Variants in MAGI2 observed in about 807,000 individuals in gnomAD.
MAGI2 encodes membrane-associated guanylate kinase, WW and PDZ domain-containing protein 2.
MAGI2 carries 35 observed loss-of-function variants against 133.3 expected under a neutral mutation model. The observed-to-expected ratio is 0.26, with a 90% CI of 0.20 to 0.35. The LOEUF is 0.35. Ranked by LOEUF, MAGI2 falls within the 10% of genes least tolerant of loss-of-function variation. The pLI, the probability that MAGI2 is intolerant of heterozygous loss-of-function variation, is 1.00. For missense variants in MAGI2, 1,636 were observed against 1,863.4 expected, an observed-to-expected ratio of 0.88 and a Z score of 2.25; for synonymous variants, 729 against 710.6, an observed-to-expected ratio of 1.03 and a Z score of -0.41.
At chr7:79,253,981 TCAAAACAAAA>T (rs71951560) in intron 1 of MAGI2, among the ~76,000 whole-genome samples, 92,188 of 151,022 alleles carry the variant, frequency 0.61, 29,460 homozygotes, top group Non-Finnish European at 0.7. Flanking sequence ...AAATTGCCCT[TCAAAACAAAA>T]CAAAACAAAA....
chr7:78,882,623 T>C (rs538558733), intron 2 of MAGI2, among the ~76,000 whole-genome samples: 1 of 151,850 alleles, frequency 6.6e-6, no homozygotes, highest in Non-Finnish European at 1.5e-5. Context: ...AACAAAACAC[T>C]AACAAAATCA....
rs566236945 is a variant in MAGI2, at chr7:78,224,694, A to ATT, written c.2048-23503_2048-23502dup. ...AACAACAACAGCAACAACAACGTAA[A>ATT]TTTTTTTTTTTTTTTTTCACCAAAT... On this transcript the variant is annotated intron_variant, in intron 10 of 21. Transcript: ENST00000354212. Among the ~76,000 whole-genome samples, 1,384 of 142,320 alleles carry ATT rather than the reference A, an allele frequency of 9.7e-3. 12 individuals are homozygous for ATT. Among genetic ancestry groups the ATT allele is most frequent in the Middle Eastern group, 0.018 (5 of 272 alleles). 93.4% of individuals were successfully genotyped at this position (142,320 alleles called of 152,430 possible). A position where few individuals can be genotyped will look rare whatever the true frequency, so the allele number is the denominator to read the frequency against.
intron 1 of MAGI2, among the ~76,000 whole-genome samples, chr7:79,258,478 C>T (rs181542354): frequency 1.4e-3 from 218 of 152,322 alleles, no homozygotes; most frequent in African/African-American, 5.0e-3. Context: ...ACACCTTGCT[C>T]ATCTCTCCAT....
chr7:79,440,449 T>C (rs935541070), intron 1 of MAGI2, among the ~76,000 whole-genome samples: 1 of 152,102 alleles, frequency 6.6e-6, no homozygotes, highest in Non-Finnish European at 1.5e-5. Context: ...TACTTCAGAA[T>C]GGTAAAAAAT....
intron 1 of MAGI2, among the ~76,000 whole-genome samples, chr7:79,448,610 G>T (rs557504857): frequency 6.6e-6 from 1 of 152,058 alleles, no homozygotes; most frequent in Non-Finnish European, 1.5e-5. Context: ...AAAACTAGGT[G>T]GTCTACTTAG....
chr7:78,893,372 A>C (rs1176564419), intron 2 of MAGI2, among the ~76,000 whole-genome samples: 1 of 152,210 alleles, frequency 6.6e-6, no homozygotes, highest in Non-Finnish European at 1.5e-5. Flanking sequence ...CAGCCATCCC[A>C]TTACTGGGTA....
rs796988693 is a variant in MAGI2, at chr7:79,258,313, G to C, written c.301+194707C>G. 2.8e-4 allele frequency among the ~76,000 whole-genome samples: 43 copies of C among 152,280 alleles called. 1 individual carries two copies. The highest frequency in any genetic ancestry group is 9.9e-4 in the African/African-American group (41 of 41,558). ...TTTCTAGTCCAGAAGAAAATAAATT[G>C]CTTTTAAATAAATCTTCTGGGATAG... On this transcript the variant is annotated intron_variant, in intron 1 of 21. Transcript: ENST00000354212.
chr7:78,537,187 A>ACG (rs1380334404), intron 3 of MAGI2, among the ~76,000 whole-genome samples: 1 of 151,606 alleles, frequency 6.6e-6, no homozygotes, highest in Non-Finnish European at 1.5e-5. Context: ...ACACACACAC[A>ACG]CACACACACA....
intron 1 of MAGI2, among the ~76,000 whole-genome samples, chr7:79,441,665 A>T (rs1188316411): frequency 1.3e-5 from 2 of 152,120 alleles, no homozygotes; most frequent in African/African-American, 4.8e-5. Context: ...TTAAAACATT[A>T]ATGTAATTCA....
At chr7:79,396,139 TC>T (rs964557332) in intron 1 of MAGI2, among the ~76,000 whole-genome samples, 4 of 152,180 alleles carry the variant, frequency 2.6e-5, no homozygotes, top group Admixed American at 2.0e-4. Flanking sequence ...ATTTTTTTTT[TC>T]TTTCTTGGGC....
chr7:79,260,444 T>C (rs1833999454), intron 1 of MAGI2, among the ~76,000 whole-genome samples: 1 of 152,142 alleles, frequency 6.6e-6, no homozygotes, highest in African/African-American at 2.4e-5. Flanking sequence ...GAACTTTATC[T>C]TCAATAATAA....
intron 20 of MAGI2, among the ~76,000 whole-genome samples, chr7:78,093,979 G>A (rs1471064874): frequency 6.6e-6 from 1 of 152,162 alleles, no homozygotes; most frequent in Non-Finnish European, 1.5e-5. Flanking sequence ...ATGGGCTGGA[G>A]GGAGCAGAAA....
intron 21 of MAGI2, among the ~76,000 whole-genome samples, chr7:78,046,184 TC>T (rs1811398728): frequency 6.7e-6 from 1 of 148,620 alleles, no homozygotes; most frequent in South Asian, 2.1e-4. Flanking sequence ...TCACTTGAGG[TC>T]AGGAGTTTGA....
Position 78,458,294 on chromosome 7 carries a change from C to CAAAAAAAAAA in MAGI2, c.1045+31457_1045+31466dup, listed in dbSNP as rs11380893. Among the ~76,000 whole-genome samples, 160 of 113,064 alleles carry CAAAAAAAAAA rather than the reference C, an allele frequency of 1.4e-3. 2 individuals are homozygous for CAAAAAAAAAA. Among genetic ancestry groups the CAAAAAAAAAA allele is most frequent in the Non-Finnish European group, 2.3e-3 (134 of 57,120 alleles). 74.2% of individuals were successfully genotyped at this position (113,064 alleles called of 152,430 possible). A position where few individuals can be genotyped will look rare whatever the true frequency, so the allele number is the denominator to read the frequency against. The stretch of plus-strand genomic sequence containing the variant: ...CTGGAGACAGGGCAAAACTCGGTCT[C>CAAAAAAAAAA]AAAAAAAAAAAAAAAGAATAAAAGA... On this transcript the variant is annotated intron_variant, in intron 6 of 21. Coordinates refer to ENST00000354212, the MANE Select transcript of MAGI2 (RefSeq NM_012301.4).
intron 10 of MAGI2, among the ~76,000 whole-genome samples, chr7:78,245,586 C>A (rs1791681146): frequency 6.6e-6 from 1 of 151,994 alleles, no homozygotes; most frequent in South Asian, 2.1e-4. Flanking sequence ...CTAGGATGGC[C>A]CCAGAGAGGA....
chr7:79,339,550 G>A (rs933392242), intron 1 of MAGI2, among the ~76,000 whole-genome samples: 7 of 151,054 alleles, frequency 4.6e-5, no homozygotes, highest in African/African-American at 1.7e-4. Context: ...AATTGCCAGG[G>A]CATATACAAT....
intron 2 of MAGI2, among the ~76,000 whole-genome samples, chr7:78,921,017 G>T (rs937719255): frequency 5.3e-5 from 8 of 152,234 alleles, no homozygotes; most frequent in African/African-American, 1.9e-4. Context: ...CAGGAATACA[G>T]CATGATATGG....
intron 10 of MAGI2, among the ~76,000 whole-genome samples, chr7:78,238,835 A>T (rs1310394194): frequency 1.3e-5 from 2 of 152,176 alleles, no homozygotes; most frequent in Non-Finnish European, 2.9e-5. Context: ...CGTTTCATTC[A>T]AAAGTGAAAC....
intron 2 of MAGI2, among the ~76,000 whole-genome samples, chr7:78,868,827 T>C (rs1046663119): frequency 4.6e-5 from 7 of 151,888 alleles, no homozygotes; most frequent in South Asian, 2.1e-4. Flanking sequence ...GATCTCGGCT[T>C]ACTGCAAGCT....
Sources: allele counts gnomAD v4.1 joint callset (sites outside exome capture counted in the v4.1 genomes callset), GRCh38; gene constraint gnomAD v4.1.1; transcripts MANE v1.5; gene names NCBI Gene and HGNC (gene_info 2026-07-23, HGNC 2026-07-21).